The following INTS9 variants were observed in gnomAD, a reference collection of about 807,000 sequenced individuals.
INTS9 encodes the protein integrator complex subunit 9.
Under a neutral mutation model 79.7 loss-of-function variants are expected in INTS9, and 55 were observed. The observed-to-expected ratio is 0.69, with a 90% CI of 0.56 to 0.86. INTS9 has a LOEUF of 0.86. Ranked by LOEUF, INTS9 falls within the 40% of genes least tolerant of loss-of-function variation. The probability of loss-of-function intolerance (pLI) is 0.00; values close to 1 mark genes in which losing one functional copy is unlikely to be tolerated. For missense variants in INTS9, 721 were observed against 831.5 expected (o/e 0.87, Z 1.64); for synonymous variants, 319 against 325.2 (o/e 0.98, Z 0.20).
intron 2 of INTS9, among the ~76,000 whole-genome samples, 193 bp downstream of exon 2, chr8:28,859,243 A>C (rs750145204): frequency 6.6e-6 from 1 of 152,216 alleles, no homozygotes; most frequent in African/African-American, 2.4e-5. Flanking sequence ...AGTTATAATA[A>C]AGAAGCCAAT....
intron 1 of INTS9, among the ~76,000 whole-genome samples, chr8:28,880,261 CCTCTCCCTCTCCCTCT>C (rs1809638867): frequency 2.9e-5 from 4 of 136,004 alleles, no homozygotes; most frequent in Admixed American, 7.5e-5. Flanking sequence ...TCTCCCTCTC[CCTCTCCCTCTCCCTCT>C]CTCTCCCTCC....
At chr8:28,818,852 G>T (rs1430342521) in intron 6 of INTS9, among the ~76,000 whole-genome samples, 3 of 151,686 alleles carry the variant, frequency 2.0e-5, no homozygotes, top group African/African-American at 7.3e-5. Flanking sequence ...TCTATTCAGA[G>T]ATTCAACTTC....
chr8:28,805,570 T>C (rs1207127668), intron 8 of INTS9, among the ~76,000 whole-genome samples: 1 of 152,128 alleles, frequency 6.6e-6, no homozygotes, highest in African/African-American at 2.4e-5. Flanking sequence ...CACCACCGTA[T>C]TATGTATGTT....
intron 1 of INTS9, chr8:28,862,211 G>A (rs2131303066): frequency 3.0e-6 from 3 of 985,144 alleles, no homozygotes; most frequent in Non-Finnish European, 3.6e-6. Flanking sequence ...AGGGTTATGA[G>A]ACTAAGGCAC....
At chr8:28,870,267 T>G (rs1429302702) in intron 1 of INTS9, among the ~76,000 whole-genome samples, 1 of 151,570 alleles carries the variant, frequency 6.6e-6, no homozygotes, top group African/African-American at 2.4e-5. Context: ...ACTCTCACTT[T>G]CTACTTAGAT....
Position 28,793,999 on chromosome 8 carries a change from G to A in INTS9, c.857-12C>T. 6.6e-7 allele frequency: 1 copy of A among 1,526,304 alleles called. No homozygotes were observed. The highest frequency in any genetic ancestry group is 8.9e-7 in the Non-Finnish European group (1 of 1,128,730). The allele number at this position is 1,526,304 out of a possible 1,614,324, so 94.5% of individuals were successfully genotyped here. A position where few individuals can be genotyped will look rare whatever the true frequency, so the allele number is the denominator to read the frequency against. Reference sequence around the variant, plus strand: ...CCGGACTGTCAGAGCTAGAAAAGTGGATGCCAGAGGAGAAAAAACATCATA... The same window carrying A: ...CCGGACTGTCAGAGCTAGAAAAGTGAATGCCAGAGGAGAAAAAACATCATA... On this transcript the variant is annotated splice_polypyrimidine_tract_variant and intron_variant, in intron 9 of 16. Coordinates refer to ENST00000521022, the MANE Select transcript of INTS9 (RefSeq NM_018250.4).
intron 1 of INTS9, among the ~76,000 whole-genome samples, chr8:28,870,720 T>C (rs1455676997): frequency 6.6e-6 from 1 of 152,226 alleles, no homozygotes; most frequent in Non-Finnish European, 1.5e-5. Context: ...AGGGAGTTGC[T>C]GGTCACAATT....
chr8:28,835,610 T>A (rs1028221809), intron 5 of INTS9, among the ~76,000 whole-genome samples: 1 of 152,214 alleles, frequency 6.6e-6, no homozygotes, highest in Non-Finnish European at 1.5e-5. Flanking sequence ...ATAATTTAAT[T>A]CACCTTTAAA....
At chr8:28,819,293 G>C (rs1206968337) in intron 6 of INTS9, among the ~76,000 whole-genome samples, 2 of 152,162 alleles carry the variant, frequency 1.3e-5, no homozygotes, top group Non-Finnish European at 2.9e-5. Flanking sequence ...GGCATTTAGT[G>C]CTATAAATTT....
intron 6 of INTS9, among the ~76,000 whole-genome samples, chr8:28,822,534 T>C (rs1805897597): frequency 6.6e-6 from 1 of 152,162 alleles, no homozygotes; most frequent in Non-Finnish European, 1.5e-5. Flanking sequence ...AAAACAGTGC[T>C]GGCCTTAGTT....
intron 6 of INTS9, among the ~76,000 whole-genome samples, chr8:28,815,703 A>G (rs1465495036): frequency 6.6e-6 from 1 of 152,196 alleles, no homozygotes; most frequent in Non-Finnish European, 1.5e-5. Context: ...AAATGAAGAG[A>G]TTTAAACAAT....
intron 4 of INTS9, among the ~76,000 whole-genome samples, chr8:28,843,134 C>T (rs555297786): frequency 7.9e-5 from 12 of 152,334 alleles, no homozygotes; most frequent in African/African-American, 2.4e-4. Context: ...TCCTGACAAG[C>T]GGTTCTCACC....
At chr8:28,820,293 G>C (rs2131095344) in intron 6 of INTS9, among the ~76,000 whole-genome samples, 1 of 152,330 alleles carries the variant, frequency 6.6e-6, no homozygotes, top group Non-Finnish European at 1.5e-5. Context: ...GCTGGTACCA[G>C]TTGTTCCTTT....
At chr8:28,786,288 T>G (rs1330086625) in intron 11 of INTS9, among the ~76,000 whole-genome samples, 3 of 152,060 alleles carry the variant, frequency 2.0e-5, no homozygotes, top group Non-Finnish European at 4.4e-5. Context: ...TTTTAGATTT[T>G]TTTTTTTTTT....
chr8:28,780,093 T>G (rs1310047887), intron 12 of INTS9, among the ~76,000 whole-genome samples: 4 of 147,392 alleles, frequency 2.7e-5, no homozygotes, highest in African/African-American at 1.0e-4. Context: ...GCCTGTAAGA[T>G]TTCTAAAACC....
chr8:28,840,245 C>A (rs1298327639), intron 4 of INTS9, among the ~76,000 whole-genome samples: 1 of 151,548 alleles, frequency 6.6e-6, no homozygotes, highest in African/African-American at 2.4e-5. Context: ...CAATGAGATA[C>A]CATCTCACAC....
intron 1 of INTS9, among the ~76,000 whole-genome samples, chr8:28,871,319 A>G (rs1323847059): frequency 6.6e-6 from 1 of 152,308 alleles, no homozygotes; most frequent in African/African-American, 2.4e-5. Context: ...GTCCATGATA[A>G]AATACTTCTT....
At chr8:28,816,051 A>G (rs1356104454) in intron 6 of INTS9, among the ~76,000 whole-genome samples, 1 of 152,154 alleles carries the variant, frequency 6.6e-6, no homozygotes, top group Non-Finnish European at 1.5e-5. Flanking sequence ...TTAATATTAG[A>G]AAAAAATATG....
At position 28,876,012 on chromosome 8, in the gene INTS9, TA is replaced by T. The variant is rs1311893498; in HGVS notation, c.9+13861del. On this transcript the variant is annotated intron_variant, in intron 1 of 16. Transcript: ENST00000521022. ...TACATAGCTTCAATCGAAAACCATT[TA>T]AAAATAAGCCACCACTTAGGGCTCT... Among the ~76,000 whole-genome samples the T allele has an allele frequency of 2.0e-5, 3 of 152,226 alleles. No individual in the cohort carries two copies. The East Asian group carries it at 5.8e-4, about 29-fold the overall frequency.
Sources: gnomAD v4.1 joint callset for allele counts (sites outside exome capture counted in the v4.1 genomes callset) on GRCh38, gnomAD v4.1.1 for gene constraint, MANE v1.5 for transcripts, NCBI Gene and HGNC (gene_info 2026-07-23, HGNC 2026-07-21) for gene names.